BLTP1: variants seen among roughly 807,000 people sequenced by gnomAD.
BLTP1 encodes the protein bridge-like lipid transfer protein family member 1.
At chr4:122,259,999 A>G in the BLTP1 span, 1 of 692,964 alleles carries the variant, frequency 1.4e-6, no homozygotes, top group Non-Finnish European at 1.8e-6. Flanking sequence ...TGCATCACTT[A>G]ATGACAGGGA....
the BLTP1 span, chr4:122,305,746 A>G: frequency 5.2e-6 from 7 of 1,355,202 alleles, no homozygotes; most frequent in African/African-American, 1.0e-4. Context: ...TATAAGGAAT[A>G]TACATTAACA....
the BLTP1 span, chr4:122,263,203 A>G: frequency 2.2e-5 from 22 of 985,198 alleles, no homozygotes; most frequent in East Asian, 7.9e-4. Flanking sequence ...ACGAATGTCA[A>G]TGTAGGCATT....
At chr4:122,346,535 G>A in the BLTP1 span, 1 of 1,481,752 alleles carries the variant, frequency 6.7e-7, no homozygotes, top group Non-Finnish European at 9.0e-7. Context: ...GTATAATTCA[G>A]CTGTGTAATA....
At chr4:122,183,547 A>G in the BLTP1 span, 1 of 983,252 alleles carries the variant, frequency 1.0e-6, no homozygotes, top group Non-Finnish European at 1.2e-6. Context: ...CCAAGGACTT[A>G]TTTGGGCCCC....
At chr4:122,255,177 C>A in the BLTP1 span, 4 of 1,609,268 alleles carry the variant, frequency 2.5e-6, no homozygotes, top group Non-Finnish European at 3.4e-6. Context: ...AACAGGCTTA[C>A]AAAAGTTGCT....
the BLTP1 span, chr4:122,230,232 T>C: frequency 6.2e-7 from 1 of 1,603,842 alleles, no homozygotes; most frequent in East Asian, 2.2e-5. Context: ...ATGTTAAGAA[T>C]GGCAGTAGTC....
At chr4:122,152,884 A>G in the BLTP1 span, 2 of 570,828 alleles carry the variant, frequency 3.5e-6, no homozygotes, top group Admixed American at 6.4e-5. Flanking sequence ...TGGACTCGGC[A>G]GGAAGGACCG....
At chr4:122,255,411 C>T in the BLTP1 span, 187,634 of 632,224 alleles carry the variant, frequency 0.3, 30,217 homozygotes, top group South Asian at 0.46. Flanking sequence ...AATCCCAGCA[C>T]TTTGGGAGGC....
chr4:122,154,521 C>G, the BLTP1 span: 1 of 975,378 alleles, frequency 1.0e-6, no homozygotes, highest in Non-Finnish European at 1.2e-6. Context: ...TGTCAAAATT[C>G]TGTTCTCTCT....
At chr4:122,254,708 C>T in the BLTP1 span, 21 of 1,259,302 alleles carry the variant, frequency 1.7e-5, no homozygotes, top group Non-Finnish European at 2.1e-5. Flanking sequence ...TTAATTTTGC[C>T]TGAGTAAAAC....
the BLTP1 span, among the ~76,000 whole-genome samples, chr4:122,326,096 T>G: frequency 3.3e-5 from 5 of 151,680 alleles, no homozygotes; most frequent in Non-Finnish European, 7.4e-5. Flanking sequence ...TGGTTTTTAC[T>G]TCTGTGTAGT....
the BLTP1 span, among the ~76,000 whole-genome samples, chr4:122,355,322 G>C: frequency 6.6e-6 from 1 of 152,048 alleles, no homozygotes; most frequent in African/African-American, 2.4e-5. Flanking sequence ...ACTTCTACCT[G>C]ATTTCAAGAC....
the BLTP1 span, chr4:122,305,783 G>GT: frequency 2.2e-6 from 3 of 1,368,314 alleles, no homozygotes; most frequent in Non-Finnish European, 2.9e-6. Flanking sequence ...ATGTATTATA[G>GT]TTTTTTTGGT....
chr4:122,348,456 CAAG>C, the BLTP1 span: 1 of 863,958 alleles, frequency 1.2e-6, no homozygotes, highest in Non-Finnish European at 1.7e-6. Context: ...GATTCTAATA[CAAG>C]AATATTATAT....
chr4:122,181,380 C>T, the BLTP1 span: 1 of 192,714 alleles, frequency 5.2e-6, no homozygotes, highest in Non-Finnish European at 9.5e-6. Context: ...GTCCTACCTA[C>T]AGACAGACTT....
At chr4:122,175,876 G>A in the BLTP1 span, 4 of 1,573,664 alleles carry the variant, frequency 2.5e-6, no homozygotes, top group Non-Finnish European at 3.5e-6. Flanking sequence ...ATCATTTTTC[G>A]GTGGTGGAAA....
the BLTP1 span, chr4:122,190,284 T>G: frequency 2.1e-6 from 1 of 475,926 alleles, no homozygotes; most frequent in Non-Finnish European, 2.7e-6. Flanking sequence ...TTTGTAGAGA[T>G]GGTATTTCGC....
the BLTP1 span, chr4:122,359,592 G>A: frequency 1.2e-6 from 2 of 1,611,596 alleles, no homozygotes; most frequent in Admixed American, 1.7e-5. Context: ...TACTCGACCA[G>A]GACAAAAAAG....
chr4:122,224,973 T>C, the BLTP1 span: 1 of 1,079,290 alleles, frequency 9.3e-7, no homozygotes, highest in South Asian at 2.6e-5. Flanking sequence ...CTAGAAGTCA[T>C]TAATATATTA....
Sources: allele counts gnomAD v4.1 joint callset (sites outside exome capture counted in the v4.1 genomes callset), GRCh38; gene constraint gnomAD v4.1.1; transcripts MANE v1.5; gene names NCBI Gene and HGNC (gene_info 2026-07-23, HGNC 2026-07-21).